Variants in EHD4 observed in about 807,000 individuals in gnomAD.
EHD4 encodes the protein EH domain-containing protein 4.
A neutral mutation model predicts 51.0 loss-of-function variants in EHD4; 37 were observed. That is an observed-to-expected ratio of 0.73 (90% CI 0.56 to 0.95). The LOEUF (loss-of-function observed/expected upper bound fraction) is 0.95. EHD4 is among the 40% of genes least tolerant of loss of function. The pLI is 0.00. For synonymous variants in EHD4, 297 were observed against 317.3 expected (o/e 0.94, Z 0.68); for missense variants, 632 against 733.1 (o/e 0.86, Z 1.59).
chr15:41,930,920 C>T lies in EHD4; in HGVS notation c.512-11298G>A, dbSNP rs373067947. On this transcript the variant is annotated intron_variant, in intron 3 of 5. Coordinates refer to ENST00000220325, the MANE Select transcript of EHD4 (RefSeq NM_139265.4). The stretch of plus-strand genomic sequence containing the variant: ...TCAAATACCTCCAGAAAAGGAAATA[C>T]TTTAAAAAGGTATACATGAAAAGAT... Among the ~76,000 whole-genome samples the T allele has an allele frequency of 8.5e-5, 13 of 152,276 alleles. No individual in the cohort carries two copies. The East Asian group carries it at 1.7e-3, about 20-fold the overall frequency.
chr15:41,912,311 C>G (rs2067555640), intron 4 of EHD4, among the ~76,000 whole-genome samples: 1 of 152,178 alleles, frequency 6.6e-6, no homozygotes, highest in Admixed American at 6.5e-5. Context: ...TGTTACGCTG[C>G]CTCTGCATGT....
intron 2 of EHD4, among the ~76,000 whole-genome samples, chr15:41,950,842 T>A: frequency 6.6e-6 from 1 of 152,216 alleles, no homozygotes; most frequent in Middle Eastern, 3.2e-3. Flanking sequence ...GCAAGTCATG[T>A]CTTTGCTTTC....
chr15:41,922,194 C>T (rs1046758520), intron 3 of EHD4, among the ~76,000 whole-genome samples: 15 of 152,196 alleles, frequency 9.9e-5, no homozygotes, highest in South Asian at 4.2e-4. Flanking sequence ...TTTGAAACCA[C>T]CTGGCAATAT....
chr15:41,953,881 G>A lies in EHD4; in HGVS notation c.296C>T (p.Ser99Phe). Residue 99 changes from serine to phenylalanine, a missense_variant, in exon 2 of 6, where the codon TCC (serine) becomes TTC (phenylalanine). Transcript: ENST00000220325. ...CTCTCCATACATCACGGCGATGAAG[G>A]AGTCTGTGGTGGGCTCCGGACCAAT... ...MRIGPEPTTDSFIAVMYGETE... is the reference protein window; with the variant it reads ...MRIGPEPTTDFFIAVMYGETE... 2 of 1,614,014 alleles carry A rather than the reference G, an allele frequency of 1.2e-6. No individual in the cohort carries two copies. The highest frequency in any genetic ancestry group is 1.7e-6 in the Non-Finnish European group (2 of 1,179,982).
chr15:41,954,399 C>T (rs1242340945), intron 1 of EHD4, among the ~76,000 whole-genome samples: 1 of 152,208 alleles, frequency 6.6e-6, no homozygotes, highest in Non-Finnish European at 1.5e-5. Context: ...AAAACCTGCA[C>T]AGCCTTCTGC....
intron 1 of EHD4, among the ~76,000 whole-genome samples, chr15:41,962,278 A>T (rs532691659): frequency 1.3e-5 from 2 of 152,224 alleles, no homozygotes; most frequent in Non-Finnish European, 2.9e-5. Context: ...TTCTCAAAGA[A>T]TGACAGAAAA....
At chr15:41,964,736 G>C (rs377231452) in intron 1 of EHD4, among the ~76,000 whole-genome samples, 3 of 147,936 alleles carry the variant, frequency 2.0e-5, no homozygotes, top group Non-Finnish European at 4.5e-5. Flanking sequence ...TAGATACATA[G>C]ATTTAGGAAT....
chr15:41,901,005 C>G lies in EHD4; in HGVS notation c.1266G>C (p.Glu422Asp), dbSNP rs767229945. ...CCCCGTAGCCCTGGTTGAAGGGGCCCTCGGTGGTGCCATCGAAGGCGCCGC... is the reference window on the plus strand; with the variant it reads ...CCCCGTAGCCCTGGTTGAAGGGGCCGTCGGTGGTGCCATCGAAGGCGCCGC... Reference protein sequence around the residue: ...VQGGAFDGTTEGPFNQGYGEG... With the variant: ...VQGGAFDGTTDGPFNQGYGEG... Residue 422 changes from glutamate to aspartate, a missense_variant, in exon 6 of 6, where the codon GAG becomes GAC. Glu to Asp is a conservative substitution (Grantham distance 45). Transcript: ENST00000220325. 2 of 1,608,638 alleles carry G rather than the reference C, an allele frequency of 1.2e-6. No individual in the cohort carries two copies. Among genetic ancestry groups the G allele is most frequent in the Admixed American group, 3.3e-5 (2 of 59,810 alleles).
chr15:41,926,805 T>C (rs1330166676), intron 3 of EHD4, among the ~76,000 whole-genome samples: 2 of 152,236 alleles, frequency 1.3e-5, no homozygotes, highest in Non-Finnish European at 2.9e-5. Context: ...AGCAGCATCC[T>C]GTACTTCCCT....
chr15:41,953,281 C>A (rs1469703520), intron 2 of EHD4, among the ~76,000 whole-genome samples: 1 of 152,176 alleles, frequency 6.6e-6, no homozygotes, highest in Non-Finnish European at 1.5e-5. Context: ...TTAACATTGC[C>A]AGTGACGAGG....
chr15:41,928,474 C>A (rs577559707), intron 3 of EHD4: 3 of 152,242 alleles, frequency 2.0e-5, no homozygotes, highest in Non-Finnish European at 4.4e-5. Flanking sequence ...CGCTGCGCTG[C>A]ACCATATGTG....
chr15:41,961,618 C>T (rs2067924965), intron 1 of EHD4, among the ~76,000 whole-genome samples: 1 of 152,170 alleles, frequency 6.6e-6, no homozygotes, highest in African/African-American at 2.4e-5. Context: ...GGCTAAAAGG[C>T]ATCTAACAAA....
intron 3 of EHD4, among the ~76,000 whole-genome samples, chr15:41,926,487 C>T (rs2067662225): frequency 6.6e-6 from 1 of 152,188 alleles, no homozygotes; most frequent in Non-Finnish European, 1.5e-5. Flanking sequence ...GCTCTCCTGG[C>T]TGCATGTTCA....
At chr15:41,970,759 A>G (rs2067990158) in intron 1 of EHD4, among the ~76,000 whole-genome samples, 1 of 152,242 alleles carries the variant, frequency 6.6e-6, no homozygotes, top group Non-Finnish European at 1.5e-5. Flanking sequence ...TGCCACCACT[A>G]AATTACAAAA....
At chr15:41,945,078 G>A (rs1414795687) in intron 2 of EHD4, among the ~76,000 whole-genome samples, 1 of 152,244 alleles carries the variant, frequency 6.6e-6, no homozygotes, top group South Asian at 2.1e-4. Context: ...GGTGAACCTC[G>A]TTTCTTGTCA....
rs1299869149 is a variant in EHD4, at chr15:41,919,425, C to T, written c.709G>A (p.Gly237Arg). 9 of 1,590,334 alleles carry T rather than the reference C, an allele frequency of 5.7e-6. No homozygotes were observed. The highest frequency in any genetic ancestry group is 2.7e-5 in the African/African-American group (2 of 74,232). ...TTGCCTAGGGACCACATGAGGGCCC[C>T]GTAGACCCGCATCAGCTGCTGCGTG... ...VDTQQLMRVY[G>R]ALMWSLGKVI... Residue 237 changes from glycine to arginine, a missense_variant, in exon 4 of 6, where the codon GGG becomes AGG. By Grantham distance (125) the Gly-to-Arg change is moderately radical. Transcript: ENST00000220325.
At chr15:41,909,973 A>C in intron 4 of EHD4, 110 bp from the exon 5 acceptor site, 1 of 1,388,100 alleles carries the variant, frequency 7.2e-7, no homozygotes, top group Non-Finnish European at 1.0e-6. Flanking sequence ...TACCCACACA[A>C]ACCAGGTCCC....
intron 2 of EHD4, among the ~76,000 whole-genome samples, chr15:41,950,265 T>C (rs1370233087): frequency 6.6e-6 from 1 of 152,232 alleles, no homozygotes; most frequent in Non-Finnish European, 1.5e-5. Flanking sequence ...TGGAGGGTGT[T>C]GTCCCCCTCC....
chr15:41,914,746 A>G (rs972440533), intron 4 of EHD4, among the ~76,000 whole-genome samples: 2 of 151,552 alleles, frequency 1.3e-5, no homozygotes, highest in African/African-American at 4.9e-5. Context: ...GCCTGAATCC[A>G]TTTGGTGCAC....
Sources: allele counts gnomAD v4.1 joint callset (sites outside exome capture counted in the v4.1 genomes callset), GRCh38; gene constraint gnomAD v4.1.1; transcripts MANE v1.5; gene names NCBI Gene and HGNC (gene_info 2026-07-23, HGNC 2026-07-21).